The following KCND3 variants were observed in gnomAD, a reference collection of about 807,000 sequenced individuals.
The protein encoded by KCND3 is potassium voltage-gated channel subfamily D member 3, also known as A-type voltage-gated potassium channel KCND3.
KCND3 carries 9 observed loss-of-function variants against 51.1 expected under a neutral mutation model. The ratio of observed to expected loss-of-function variants is 0.18; its 90% confidence interval spans 0.11 to 0.31. The LOEUF is 0.31. Among genes scored for constraint, KCND3 ranks in the 10% least tolerant of loss-of-function variants. KCND3 has a pLI of 1.00. For missense variants in KCND3, 526 were observed against 903.8 expected, an observed-to-expected ratio of 0.58 and a Z score of 5.36; for synonymous variants, 349 against 368.0, an observed-to-expected ratio of 0.95 and a Z score of 0.59.
At chr1:111,959,875 T>C (rs537491975) in intron 2 of KCND3, among the ~76,000 whole-genome samples, 1 of 152,072 alleles carries the variant, frequency 6.6e-6, no homozygotes, top group African/African-American at 2.4e-5. Context: ...AATCCCCATA[T>C]GTTGTGAGAG....
At chr1:111,860,823 C>T (rs1668306242) in intron 2 of KCND3, among the ~76,000 whole-genome samples, 1 of 152,170 alleles carries the variant, frequency 6.6e-6, no homozygotes, top group Non-Finnish European at 1.5e-5. Context: ...TGGATGTCAG[C>T]TAATGTGGGT....
At chr1:111,778,789 C>T (rs1225993905) in intron 5 of KCND3, among the ~76,000 whole-genome samples, 1 of 152,132 alleles carries the variant, frequency 6.6e-6, no homozygotes, top group Admixed American at 6.5e-5. Flanking sequence ...CATTCCAGAG[C>T]TTTAATCCCA....
At chr1:111,863,077 A>G (rs1199648063) in intron 2 of KCND3, among the ~76,000 whole-genome samples, 1 of 152,244 alleles carries the variant, frequency 6.6e-6, no homozygotes, top group Non-Finnish European at 1.5e-5. Flanking sequence ...CAAGGAAAAT[A>G]CATTTATTGA....
chr1:111,835,994 T>C (rs1396518396), intron 2 of KCND3, among the ~76,000 whole-genome samples: 1 of 152,344 alleles, frequency 6.6e-6, no homozygotes, highest in East Asian at 1.9e-4. Context: ...CTAGTGTACC[T>C]GCAGGCTCTG....
intron 2 of KCND3, among the ~76,000 whole-genome samples, chr1:111,812,661 A>G (rs754828755): frequency 6.6e-5 from 10 of 152,172 alleles, no homozygotes; most frequent in Admixed American, 2.0e-4. Context: ...ACTAGGCCTC[A>G]TTTGCTTAAT....
intron 3 of KCND3, among the ~76,000 whole-genome samples, chr1:111,786,545 A>T (rs1156610069): frequency 6.6e-6 from 1 of 151,780 alleles, no homozygotes; most frequent in African/African-American, 2.4e-5. Context: ...TTTTCAACAA[A>T]TTTATTTTTG....
At chr1:111,792,035 C>T (rs564290566) in intron 2 of KCND3, among the ~76,000 whole-genome samples, 5 of 152,132 alleles carry the variant, frequency 3.3e-5, no homozygotes, top group Non-Finnish European at 4.4e-5. Flanking sequence ...GCTGCTGTGT[C>T]GAGTTCCAGG....
At chr1:111,796,237 G>A (rs960246753) in intron 2 of KCND3, among the ~76,000 whole-genome samples, 5 of 152,094 alleles carry the variant, frequency 3.3e-5, no homozygotes, top group Non-Finnish European at 7.4e-5. Context: ...ATTACTTTCG[G>A]CATCTTTGTC....
intron 2 of KCND3, among the ~76,000 whole-genome samples, chr1:111,825,485 A>C (rs992473456): frequency 1.3e-5 from 2 of 152,162 alleles, no homozygotes; most frequent in African/African-American, 2.4e-5. Context: ...ACAGGAATGC[A>C]CTTGTCTGTT....
chr1:111,845,131 G>C (rs1667488062), intron 2 of KCND3, among the ~76,000 whole-genome samples: 1 of 152,156 alleles, frequency 6.6e-6, no homozygotes, highest in Non-Finnish European at 1.5e-5. Flanking sequence ...GGCCTCTGAT[G>C]CTAAATCCAG....
At chr1:111,881,108 C>T (rs1013605112) in intron 2 of KCND3, among the ~76,000 whole-genome samples, 4 of 152,168 alleles carry the variant, frequency 2.6e-5, no homozygotes, top group East Asian at 1.9e-4. Flanking sequence ...GAGAAAGGGG[C>T]GGCCCCCCTC....
rs1038817908 is a variant in KCND3, at chr1:111,891,870, A to G, written c.1106+89751T>C. On this transcript the variant is annotated intron_variant, in intron 2 of 7. Transcript: ENST00000302127. The stretch of plus-strand genomic sequence containing the variant: ...TACACATACTTTCTGACCATCTACT[A>G]TGTTCCAGGAACTGTATTAGATCCT... Among the ~76,000 whole-genome samples the G allele has an allele frequency of 5.3e-5, 8 of 152,162 alleles. 1 individual carries two copies. The highest frequency in any genetic ancestry group is 6.5e-5 in the Admixed American group (1 of 15,282).
At chr1:111,868,877 C>T (rs921141413) in intron 2 of KCND3, among the ~76,000 whole-genome samples, 3 of 152,210 alleles carry the variant, frequency 2.0e-5, no homozygotes, top group South Asian at 2.1e-4. Context: ...CCCGAGTAGC[C>T]GGATTACAGG....
In KCND3 at chr1:111,981,337, C is replaced by G. The variant is rs893587239; in HGVS notation, c.1106+284G>C. 6.6e-6 allele frequency among the ~76,000 whole-genome samples: 1 copy of G among 152,244 alleles called. No homozygotes were observed. Among genetic ancestry groups the G allele is most frequent in the South Asian group, 2.1e-4 (1 of 4,810 alleles). ...CATCACCTCACCCCGAGACTTCACA[C>G]GCACACAAGGCATGGCTGAAAAAAG... is the stretch of plus-strand genomic sequence containing the variant. On this transcript the variant is annotated intron_variant, in intron 2 of 7. Transcript: ENST00000302127. This position sits in a 1 kb window ranked among gnomAD's most constrained non-coding sequence, Gnocchi z 6.2.
At chr1:111,796,347 C>T (rs1416250721) in intron 2 of KCND3, among the ~76,000 whole-genome samples, 2 of 151,926 alleles carry the variant, frequency 1.3e-5, no homozygotes, top group African/African-American at 4.8e-5. Context: ...CAGCACTATT[C>T]ACAATAGCAA....
At chr1:111,782,941 T>C (rs1664447301) in intron 3 of KCND3, among the ~76,000 whole-genome samples, 1 of 152,144 alleles carries the variant, frequency 6.6e-6, no homozygotes. Context: ...TCTTGGGGGC[T>C]GGGGCTTGTG....
chr1:111,776,905 T>C (rs751122736), intron 7 of KCND3, 121 bp downstream of exon 7: 9 of 1,537,074 alleles, frequency 5.9e-6, no homozygotes, highest in Non-Finnish European at 6.2e-6. Flanking sequence ...GTAGAGGGGC[T>C]CATGCATTAG....
At chr1:111,912,166 T>C (rs954426189) in intron 2 of KCND3, among the ~76,000 whole-genome samples, 4 of 152,184 alleles carry the variant, frequency 2.6e-5, no homozygotes, top group African/African-American at 9.7e-5. Flanking sequence ...TGTTCCCAGG[T>C]GAGAATGAAC....
intron 2 of KCND3, among the ~76,000 whole-genome samples, chr1:111,915,467 T>C (rs1016020778): frequency 1.3e-5 from 2 of 151,990 alleles, no homozygotes; most frequent in Non-Finnish European, 2.9e-5. Flanking sequence ...AAAACAAAAC[T>C]GGAGGCCGGG....
Sources: gnomAD v4.1 joint callset for allele counts (sites outside exome capture counted in the v4.1 genomes callset) on GRCh38, gnomAD v4.1.1 for gene constraint, Gnocchi (gnomAD v3.1) non-coding constraint, MANE v1.5 for transcripts, NCBI Gene and HGNC (gene_info 2026-07-23, HGNC 2026-07-21) for gene names.